The following CFAP20DC variants were observed in gnomAD, a reference collection of about 807,000 sequenced individuals.
CFAP20DC encodes CFAP20 domain containing.
In CFAP20DC, 84 loss-of-function variants were observed where a neutral mutation model predicts 101.7. That is an observed-to-expected ratio of 0.83 (90% CI 0.69 to 0.99). The LOEUF is 0.99. CFAP20DC is among the 50% of genes least tolerant of loss of function. CFAP20DC has a pLI of 0.00. For synonymous variants in CFAP20DC, 359 were observed against 351.2 expected (o/e 1.02, Z -0.25); for missense variants, 1,007 against 970.3 (o/e 1.04, Z -0.50).
chr3:59,008,025 C>A (rs910061836), intron 4 of CFAP20DC, among the ~76,000 whole-genome samples: 3 of 152,266 alleles, frequency 2.0e-5, no homozygotes, highest in Non-Finnish European at 4.4e-5. Flanking sequence ...CTTGTTCCCC[C>A]CAGCACTCCA....
chr3:58,807,320 T>C (rs971142405), intron 14 of CFAP20DC, among the ~76,000 whole-genome samples: 1 of 152,066 alleles, frequency 6.6e-6, no homozygotes, highest in Non-Finnish European at 1.5e-5. Context: ...CACCCCCCAG[T>C]AGGGGCAGAC....
intron 14 of CFAP20DC, among the ~76,000 whole-genome samples, chr3:58,818,281 C>G (rs1458171884): frequency 2.7e-5 from 4 of 150,784 alleles, no homozygotes; most frequent in East Asian, 2.0e-4. Flanking sequence ...ATCAAATTCA[C>G]ACATAACAAT....
In CFAP20DC at chr3:58,929,453, T is replaced by A. The variant is rs553708087; in HGVS notation, c.393+8195A>T. On this transcript the variant is annotated intron_variant, in intron 5 of 16. Transcript: ENST00000482387. ...ACACTGAACTCTGAAGAATCTTACA[T>A]GAATAAGGAAATCAATACCTAAACA... Among the ~76,000 whole-genome samples the A allele has an allele frequency of 5.9e-5, 9 of 152,320 alleles. No homozygotes were observed. The South Asian group carries it at 1.9e-3, about 32-fold the overall frequency.
intron 7 of CFAP20DC, among the ~76,000 whole-genome samples, chr3:58,870,894 C>CAAAAAA (rs548763648): frequency 0.017 from 333 of 19,034 alleles, 2 homozygotes; most frequent in East Asian, 0.039. Flanking sequence ...GACTCCGTCT[C>CAAAAAA]AAAAAAAAAA....
intron 6 of CFAP20DC, among the ~76,000 whole-genome samples, chr3:58,906,338 G>C (rs1433606359): frequency 6.6e-6 from 1 of 152,004 alleles, no homozygotes; most frequent in Non-Finnish European, 1.5e-5. Flanking sequence ...ATGTGTAATT[G>C]TCTTCATAAT....
rs1191336789 is a variant in CFAP20DC at position 58,722,252 on chromosome 3, C to G, written c.198-4624G>C. ...TCCAGCCACCAAGTGTTCAGTCACCCCCACCCCTTTGAGCCTTTCCAGCTG... is the reference window on the plus strand; with the variant it reads ...TCCAGCCACCAAGTGTTCAGTCACCGCCACCCCTTTGAGCCTTTCCAGCTG... On this transcript the variant is annotated intron_variant, in intron 3 of 3. Coordinates refer to the CFAP20DC transcript ENST00000486145. The surrounding 1 kb of genome is among the most constrained non-coding windows in gnomAD (Gnocchi z 4.5). Among the ~76,000 whole-genome samples the G allele has an allele frequency of 2.0e-5, 3 of 152,198 alleles. No homozygotes were observed. In the East Asian group the frequency reaches 5.8e-4, roughly 29 times the overall value.
At chr3:58,743,905 A>G (rs981431786) in intron 16 of CFAP20DC, among the ~76,000 whole-genome samples, 1 of 152,218 alleles carries the variant, frequency 6.6e-6, no homozygotes, top group Admixed American at 6.5e-5. Context: ...CTAACCATCC[A>G]AAAACACATT....
intron 13 of CFAP20DC, among the ~76,000 whole-genome samples, chr3:58,846,018 A>T (rs1395986876): frequency 2.0e-5 from 3 of 150,982 alleles, no homozygotes; most frequent in Non-Finnish European, 4.4e-5. Context: ...GTATTTCAAA[A>T]TAATAAGAGC....
chr3:58,988,507 T>C (rs1218614541), intron 4 of CFAP20DC, among the ~76,000 whole-genome samples: 1 of 152,124 alleles, frequency 6.6e-6, no homozygotes, highest in Non-Finnish European at 1.5e-5. Context: ...AGCATTGAGA[T>C]GGGAACAGGG....
chr3:58,872,301 AGTTGGTCT>A (rs2080293601), intron 7 of CFAP20DC, among the ~76,000 whole-genome samples: 2 of 151,684 alleles, frequency 1.3e-5, no homozygotes, highest in Non-Finnish European at 2.9e-5. Flanking sequence ...CTAGCTAGCT[AGTTGGTCT>A]CATTAGCCTC....
chr3:59,007,110 T>A lies in CFAP20DC; in HGVS notation c.278+32447A>T, dbSNP rs1396844345. On this transcript the variant is annotated intron_variant, in intron 4 of 16. Coordinates refer to ENST00000482387, the MANE Select transcript of CFAP20DC (RefSeq NM_001394063.1). This position sits in a 1 kb window ranked among gnomAD's most constrained non-coding sequence, Gnocchi z 4.4. ...GGCAAACTATACTGCACAGCAGAGG[T>A]AGCCATACTTCCCTCTGGAACAAAA... Among the ~76,000 whole-genome samples the A allele has an allele frequency of 6.6e-6, 1 of 152,014 alleles. No individual in the cohort carries two copies. Among genetic ancestry groups the A allele is most frequent in the Non-Finnish European group, 1.5e-5 (1 of 68,008 alleles).
chr3:59,022,535 T>C (rs968011558), intron 4 of CFAP20DC, among the ~76,000 whole-genome samples: 1 of 152,134 alleles, frequency 6.6e-6, no homozygotes, highest in East Asian at 1.9e-4. Flanking sequence ...TGCTAAGAAA[T>C]AGTTTACTTT....
Position 58,866,676 on chromosome 3 carries a change from C to T in CFAP20DC, c.1148G>A (p.Gly383Glu). 1.9e-6 allele frequency: 3 copies of T among 1,574,140 alleles called. No homozygotes were observed. Among genetic ancestry groups the T allele is most frequent in the Non-Finnish European group, 2.6e-6 (3 of 1,144,942 alleles). ...TGCTTTATCTTCAATCCTATTATTT[C>T]CTGAAGAGCTACCTTTATTGAGATA... ...RTETPSGSSSGNNRIEDKAST... is the reference protein window; with the variant it reads ...RTETPSGSSSENNRIEDKAST... The change falls in exon 11 of 17, where the codon GGA becomes GAA. Residue 383 changes from glycine (G) to glutamate (E), a missense_variant. Transcript: ENST00000482387.
chr3:58,780,241 A>G (rs966700192), intron 15 of CFAP20DC, among the ~76,000 whole-genome samples: 7 of 152,140 alleles, frequency 4.6e-5, no homozygotes, highest in African/African-American at 1.7e-4. Context: ...TGGAAGTGAA[A>G]GAACAATTAC....
chr3:58,916,233 T>G (rs1250265236), intron 5 of CFAP20DC, among the ~76,000 whole-genome samples: 1 of 152,094 alleles, frequency 6.6e-6, no homozygotes, highest in Non-Finnish European at 1.5e-5. Flanking sequence ...AACAAATACA[T>G]TTTCCAGGCC....
chr3:58,951,159 CTCA>C (rs1270558739), intron 4 of CFAP20DC, among the ~76,000 whole-genome samples: 1 of 152,200 alleles, frequency 6.6e-6, no homozygotes, highest in Non-Finnish European at 1.5e-5. Flanking sequence ...TGAAAAAATG[CTCA>C]TCATCACTGG....
In CFAP20DC at chr3:58,831,699, G is replaced by C; in HGVS notation, c.2162C>G (p.Ser721Cys). Residue 721 changes from serine (S) to cysteine (C), a missense_variant, in exon 14 of 17, where the codon TCC (serine) becomes TGC (cysteine). By Grantham distance (112) the Ser-to-Cys change is moderately radical. Transcript: ENST00000482387. ...TSSDDTTTWN[S>C]CLPPPVNQGR... Reference sequence around the variant, plus strand: ...CCAGGGACTCACGGGTGGCAGGCAGGAGTTCCAGGTGGTTGTGTCGTCACT... The same window carrying C: ...CCAGGGACTCACGGGTGGCAGGCAGCAGTTCCAGGTGGTTGTGTCGTCACT... 6.2e-7 allele frequency: 1 copy of C among 1,613,892 alleles called. No homozygotes were observed. The highest frequency in any genetic ancestry group is 8.5e-7 in the Non-Finnish European group (1 of 1,179,924).
chr3:58,857,709 T>G (rs976074308), intron 12 of CFAP20DC, among the ~76,000 whole-genome samples: 2 of 152,154 alleles, frequency 1.3e-5, no homozygotes, highest in African/African-American at 4.8e-5. Flanking sequence ...CAAGATGACA[T>G]AGGAGACTAT....
intron 4 of CFAP20DC, among the ~76,000 whole-genome samples, chr3:59,016,140 G>T (rs1388466298): frequency 6.6e-6 from 1 of 152,066 alleles, no homozygotes; most frequent in Non-Finnish European, 1.5e-5. Flanking sequence ...GTCCATCAAT[G>T]AATGAATGAA....
Sources: gnomAD v4.1 joint callset for allele counts (sites outside exome capture counted in the v4.1 genomes callset) on GRCh38, gnomAD v4.1.1 for gene constraint, Gnocchi (gnomAD v3.1) non-coding constraint, MANE v1.5 for transcripts, NCBI Gene and HGNC (gene_info 2026-07-23, HGNC 2026-07-21) for gene names.